Variants in CBR3 observed in about 807,000 individuals in gnomAD.
The protein encoded by CBR3 is carbonyl reductase 3, also known as carbonyl reductase [NADPH] 3.
In CBR3, 14 loss-of-function variants were observed where a neutral mutation model predicts 11.6. The observed-to-expected ratio is 1.20, with a 90% CI of 0.79 to 1.88. CBR3 has a LOEUF of 1.88. Among genes scored for constraint, CBR3 ranks in the 40% most tolerant of loss-of-function variants. The pLI, the probability that CBR3 is intolerant of heterozygous loss-of-function variation, is 0.00. For missense variants in CBR3, 308 were observed against 357.3 expected, an observed-to-expected ratio of 0.86 and a Z score of 1.11; for synonymous variants, 125 against 145.6, an observed-to-expected ratio of 0.86 and a Z score of 1.02.
Position 36,139,542 on chromosome 21 carries a change from C to T in CBR3, c.397+1610C>T, listed in dbSNP as rs532338702. Among the ~76,000 whole-genome samples, 12 of 151,996 alleles carry T rather than the reference C, an allele frequency of 7.9e-5. No individual in the cohort carries two copies. In the East Asian group the frequency reaches 2.1e-3, roughly 27 times the overall value. On this transcript the variant is annotated intron_variant, in intron 2 of 2. Coordinates refer to ENST00000290354, the MANE Select transcript of CBR3 (RefSeq NM_001236.4). Reference sequence around the variant, plus strand: ...GACTACAGGCGTGTGCCGCTACGCCCGGCTAATTTTTATATTTTTAGTAGA... The same window carrying T: ...GACTACAGGCGTGTGCCGCTACGCCTGGCTAATTTTTATATTTTTAGTAGA...
chr21:36,145,498 C>A (rs1299291453), intron 2 of CBR3, among the ~76,000 whole-genome samples: 2 of 152,092 alleles, frequency 1.3e-5, no homozygotes, highest in African/African-American at 4.8e-5. Context: ...CGCCACCACA[C>A]CCAGCTAATT....
chr21:36,136,083 C>A (rs2065657936), intron 1 of CBR3, among the ~76,000 whole-genome samples: 1 of 152,104 alleles, frequency 6.6e-6, no homozygotes, highest in South Asian at 2.1e-4. Context: ...TTATAAAATA[C>A]GTGCGTGTGG....
chr21:36,136,393 G>T (rs941034465), intron 1 of CBR3, among the ~76,000 whole-genome samples: 1 of 152,080 alleles, frequency 6.6e-6, no homozygotes, highest in African/African-American at 2.4e-5. Flanking sequence ...AAGAGGGAGT[G>T]AAATGAAGGA....
At chr21:36,139,382 CTTTTTTTTT>C (rs35931656) in intron 2 of CBR3, among the ~76,000 whole-genome samples, 335 of 126,696 alleles carry the variant, frequency 2.6e-3, no homozygotes, top group African/African-American at 9.3e-3. Flanking sequence ...CTTGCTTTTT[CTTTTTTTTT>C]TTTTTTTTTT....
intron 2 of CBR3, chr21:36,141,332 A>G (rs1159300411): frequency 2.6e-5 from 4 of 152,044 alleles, no homozygotes; most frequent in East Asian, 1.9e-4. Context: ...TCTAGCTTCA[A>G]GGTGCTTTGA....
At chr21:36,143,635 T>C (rs1251190620) in intron 2 of CBR3, among the ~76,000 whole-genome samples, 2 of 151,962 alleles carry the variant, frequency 1.3e-5, no homozygotes. Context: ...ATCCTAGCAC[T>C]TTGGGAGGCC....
Position 36,146,425 on chromosome 21 carries a change from G to A in CBR3, c.747G>A (p.Glu249=), listed in dbSNP as rs2123355740. ...DSIRTVEEGA[E]TPVYLALLPP... ...TCAGGACTGTGGAGGAGGGGGCTGA[G>A]ACCCCTGTCTACTTGGCCCTCTTGC... is the stretch of plus-strand genomic sequence containing the variant. The change falls in exon 3 of 3, where the codon GAG becomes GAA. Residue 249 remains glutamate, a synonymous_variant. Transcript: ENST00000290354. The A allele has an allele frequency of 6.2e-7, 1 of 1,614,230 alleles. No individual in the cohort carries two copies. Among genetic ancestry groups the A allele is most frequent in the Non-Finnish European group, 8.5e-7 (1 of 1,180,046 alleles).
At chr21:36,142,781 T>C (rs67550809) in intron 2 of CBR3, among the ~76,000 whole-genome samples, 6,662 of 152,296 alleles carry the variant, frequency 0.044, 189 homozygotes, top group Non-Finnish European at 0.064. Context: ...ACTATTCTTG[T>C]AACTTCTCTG....
At chr21:36,143,530 A>T (rs1250316565) in intron 2 of CBR3, among the ~76,000 whole-genome samples, 1 of 152,170 alleles carries the variant, frequency 6.6e-6, no homozygotes, top group Non-Finnish European at 1.5e-5. Flanking sequence ...CATGATCAAC[A>T]TGAATATTAA....
intron 2 of CBR3, among the ~76,000 whole-genome samples, chr21:36,143,445 G>C (rs2065729044): frequency 6.6e-6 from 1 of 152,120 alleles, no homozygotes; most frequent in African/African-American, 2.4e-5. Context: ...ATTTCCACCA[G>C]TACTTCAAAT....
chr21:36,145,153 G>A (rs1278814360), intron 2 of CBR3: 1 of 151,968 alleles, frequency 6.6e-6, no homozygotes, highest in Admixed American at 6.6e-5. Context: ...AACTGCCTGG[G>A]GAATCTACAA....
At chr21:36,139,972 C>T (rs1404306243) in intron 2 of CBR3, among the ~76,000 whole-genome samples, 1 of 150,288 alleles carries the variant, frequency 6.7e-6, no homozygotes, top group Non-Finnish European at 1.5e-5. Flanking sequence ...GCTGCAACCT[C>T]CGCCTCTCAG....
At chr21:36,141,836 C>T in intron 2 of CBR3, 3 of 740,176 alleles carry the variant, frequency 4.1e-6, no homozygotes, top group Non-Finnish European at 4.9e-6. Flanking sequence ...ACCTCCTCCC[C>T]TTAAGAGGAT....
At chr21:36,138,729 CTTTTTT>C (rs915088648) in intron 2 of CBR3, 1 of 140,500 alleles carries the variant, frequency 7.1e-6, no homozygotes, top group East Asian at 2.1e-4. Flanking sequence ...ATTTTCTTTT[CTTTTTT>C]TTTCTTTTCT....
rs754355851 is a variant in CBR3 at position 36,146,382 on chromosome 21, T to C, written c.704T>C (p.Met235Thr). ...TGCCCAGGACCAGTGAAGACAGACA[T>C]GGATGGGAAAGACAGCATCAGGACT... ...ACCPGPVKTD[M>T]DGKDSIRTVE... Residue 235 changes from methionine (M) to threonine (T), a missense_variant, in exon 3 of 3, where the codon ATG becomes ACG. Met to Thr is a moderately conservative substitution (Grantham distance 81). Transcript: ENST00000290354. 5 of 1,613,914 alleles carry C rather than the reference T, an allele frequency of 3.1e-6. No homozygotes were observed. Among genetic ancestry groups the C allele is most frequent in the African/African-American group, 2.7e-5 (2 of 74,870 alleles).
intron 1 of CBR3, 121 bp from the exon 2 acceptor site, chr21:36,137,703 TA>T: frequency 1.6e-6 from 1 of 643,516 alleles, no homozygotes; most frequent in Non-Finnish European, 2.7e-6. Context: ...ACCTCGTTCT[TA>T]AAAATTGTTT....
intron 2 of CBR3, among the ~76,000 whole-genome samples, chr21:36,140,523 G>C (rs1049580737): frequency 6.6e-6 from 1 of 151,926 alleles, no homozygotes; most frequent in Non-Finnish European, 1.5e-5. Context: ...CCCAGTGTTG[G>C]GAAGTTTTCT....
At chr21:36,137,675 A>T in intron 1 of CBR3, 150 bp from the exon 2 acceptor site, 1 of 602,666 alleles carries the variant, frequency 1.7e-6, no homozygotes, top group East Asian at 2.8e-5. Flanking sequence ...GATGCAGACT[A>T]AAGTTTGAGA....
intron 2 of CBR3, 117 bp downstream of exon 2, chr21:36,138,049 G>GA (rs2123339308): frequency 3.2e-6 from 2 of 628,280 alleles, no homozygotes; most frequent in Non-Finnish European, 5.8e-6. Context: ...TCTGAAGGGG[G>GA]AAAAATAGAA....
Sources: gnomAD v4.1 joint callset for allele counts (sites outside exome capture counted in the v4.1 genomes callset) on GRCh38, gnomAD v4.1.1 for gene constraint, MANE v1.5 for transcripts, NCBI Gene and HGNC (gene_info 2026-07-23, HGNC 2026-07-21) for gene names.